Variants in TYR observed in about 807,000 individuals in gnomAD.
The protein encoded by TYR is LB24-AB.
TYR carries 58 observed loss-of-function variants against 51.5 expected under a neutral mutation model. The ratio of observed to expected loss-of-function variants is 1.13; its 90% confidence interval spans 0.91 to 1.40. The LOEUF (loss-of-function observed/expected upper bound fraction) is 1.40, where lower values mean the gene tolerates loss of function less well. TYR is among the 40% of genes most tolerant of loss of function. The pLI is 0.00. For synonymous variants in TYR, 263 were observed against 235.2 expected, an observed-to-expected ratio of 1.12 and a Z score of -1.08; for missense variants, 732 against 647.4, an observed-to-expected ratio of 1.13 and a Z score of -1.42.
At chr11:89,184,051 C>G (rs1351144900) in intron 1 of TYR, among the ~76,000 whole-genome samples, 1 of 152,118 alleles carries the variant, frequency 6.6e-6, no homozygotes, top group East Asian at 1.9e-4. Context: ...GTCTTTCTGA[C>G]TAGAATCTTC....
In TYR at chr11:89,191,217, T is replaced by G. The variant is rs4987234; in HGVS notation, c.835T>G (p.Leu279Val). The stretch of plus-strand genomic sequence containing the variant: ...TTTTGTACAGATTGTCTGTAGCCGA[T>G]TGGAGGAGTACAACAGCCATCAGTC... ...FSSWQIVCSR[L>V]EEYNSHQSLC... The change falls in exon 2 of 5, where the codon TTG (leucine) becomes GTG (valine). Residue 279 changes from leucine to valine, a missense_variant. By Grantham distance (32) the Leu-to-Val change is conservative (BLOSUM62 1). Coordinates refer to ENST00000263321, the MANE Select transcript of TYR (RefSeq NM_000372.5). 1 of 1,613,274 alleles carries G rather than the reference T, an allele frequency of 6.2e-7. No homozygotes were observed. The highest frequency in any genetic ancestry group is 8.5e-7 in the Non-Finnish European group (1 of 1,179,622).
chr11:89,185,099 C>T (rs922385276), intron 1 of TYR, among the ~76,000 whole-genome samples: 2 of 152,130 alleles, frequency 1.3e-5, no homozygotes, highest in East Asian at 1.9e-4. Flanking sequence ...CTATACGTCT[C>T]GCCTACTGTT....
rs1565411448 is a variant in TYR, at chr11:89,245,929, A to AAC, written c.1184+17960_1184+17961insCA. Among the ~76,000 whole-genome samples the AAC allele has an allele frequency of 9.9e-5, 15 of 151,488 alleles. No individual in the cohort carries two copies. The South Asian group carries it at 1.0e-3, about 11-fold the overall frequency. ...GAGCAAGACTCCATCTCAAAAAAAA[A>AAC]AAACAAACAAACAAAAAAAACAAAA... is the stretch of plus-strand genomic sequence containing the variant. On this transcript the variant is annotated intron_variant, in intron 3 of 4. Transcript: ENST00000263321.
intron 3 of TYR, among the ~76,000 whole-genome samples, chr11:89,237,187 T>C (rs1167722087): frequency 6.6e-6 from 1 of 152,216 alleles, no homozygotes; most frequent in Non-Finnish European, 1.5e-5. Context: ...TTTTCTTGGC[T>C]GCAGGAAGCT....
intron 2 of TYR, among the ~76,000 whole-genome samples, chr11:89,194,395 C>T (rs1943488822): frequency 6.6e-6 from 1 of 152,178 alleles, no homozygotes; most frequent in Non-Finnish European, 1.5e-5. Flanking sequence ...CCATCTGTCT[C>T]ACGTTGGTGA....
intron 3 of TYR, among the ~76,000 whole-genome samples, chr11:89,247,656 T>C (rs1018342523): frequency 2.0e-5 from 3 of 152,176 alleles, no homozygotes; most frequent in African/African-American, 4.8e-5. Context: ...ATAATTCAAA[T>C]TGTTTATTTT....
chr11:89,211,177 A>C (rs1591157409), intron 2 of TYR, among the ~76,000 whole-genome samples: 1 of 152,184 alleles, frequency 6.6e-6, no homozygotes, highest in South Asian at 2.1e-4. Flanking sequence ...CAAATTGGAT[A>C]GTCAAGACCC....
intron 4 of TYR, among the ~76,000 whole-genome samples, chr11:89,290,988 T>C (rs1362769182): frequency 2.6e-5 from 4 of 151,956 alleles, no homozygotes; most frequent in African/African-American, 9.7e-5. Context: ...ATCTTAATAG[T>C]CTCCTAAATA....
chr11:89,287,232 C>G (rs1219061629), intron 4 of TYR, among the ~76,000 whole-genome samples: 1 of 151,810 alleles, frequency 6.6e-6, no homozygotes, highest in Non-Finnish European at 1.5e-5. Flanking sequence ...ATCAATAAAT[C>G]AGTTTGAGTA....
intron 2 of TYR, among the ~76,000 whole-genome samples, chr11:89,196,625 A>T (rs1263120766): frequency 6.6e-6 from 1 of 152,206 alleles, no homozygotes; most frequent in East Asian, 1.9e-4. Flanking sequence ...GGTAGGACCA[A>T]GTCAATCTTG....
Position 89,245,647 on chromosome 11 carries a change from G to A in TYR, c.1184+17677G>A, listed in dbSNP as rs569668758. On this transcript the variant is annotated intron_variant, in intron 3 of 4. Coordinates refer to ENST00000263321, the MANE Select transcript of TYR (RefSeq NM_000372.5). ...AGAAGAATCTGGAGGAACAGGCTGG[G>A]CGTGGTGGCTCACGCCTGTAATCCC... 1.4e-4 allele frequency among the ~76,000 whole-genome samples: 22 copies of A among 152,280 alleles called. 1 individual carries two copies. In the South Asian group the frequency reaches 4.1e-3, roughly 29 times the overall value.
intron 2 of TYR, among the ~76,000 whole-genome samples, chr11:89,222,491 C>A (rs1943924942): frequency 6.6e-6 from 1 of 152,170 alleles, no homozygotes; most frequent in Non-Finnish European, 1.5e-5. Flanking sequence ...GTAATCCCAG[C>A]ACTTTGGGAG....
At chr11:89,224,437 A>G (rs761903426) in intron 2 of TYR, among the ~76,000 whole-genome samples, 1 of 152,174 alleles carries the variant, frequency 6.6e-6, no homozygotes, top group Non-Finnish European at 1.5e-5. Context: ...ATTTAAGCCA[A>G]GTTCTACTCA....
chr11:89,203,392 T>C (rs1185574822), intron 2 of TYR, among the ~76,000 whole-genome samples: 1 of 152,166 alleles, frequency 6.6e-6, no homozygotes, highest in African/African-American at 2.4e-5. Flanking sequence ...GACCCAACAC[T>C]AACCACTCTG....
At chr11:89,219,288 C>T (rs12786274) in intron 2 of TYR, among the ~76,000 whole-genome samples, 28,667 of 149,504 alleles carry the variant, frequency 0.19, 3,576 homozygotes, top group African/African-American at 0.36. Flanking sequence ...AGCAGAATGA[C>T]AGAGTGACTT....
At chr11:89,290,581 AACAG>A (rs1944843114) in intron 4 of TYR, among the ~76,000 whole-genome samples, 1 of 152,108 alleles carries the variant, frequency 6.6e-6, no homozygotes. Flanking sequence ...ATATATTAAA[AACAG>A]TAACTTTCAA....
At chr11:89,247,131 G>A (rs1944276885) in intron 3 of TYR, among the ~76,000 whole-genome samples, 1 of 152,146 alleles carries the variant, frequency 6.6e-6, no homozygotes, top group East Asian at 1.9e-4. Flanking sequence ...TATTCTGACA[G>A]CTGTTTTTCT....
At chr11:89,254,800 T>C (rs930796725) in intron 3 of TYR, among the ~76,000 whole-genome samples, 1 of 151,804 alleles carries the variant, frequency 6.6e-6, no homozygotes, top group Non-Finnish European at 1.5e-5. Context: ...ATCTTTTGTA[T>C]TTCTTTTGTT....
At chr11:89,278,227 G>A (rs1233119932) in intron 3 of TYR, among the ~76,000 whole-genome samples, 2 of 151,348 alleles carry the variant, frequency 1.3e-5, no homozygotes, top group East Asian at 3.9e-4. Flanking sequence ...TTTTCCTCAG[G>A]CCACAGACCA....
Sources: allele counts gnomAD v4.1 joint callset (sites outside exome capture counted in the v4.1 genomes callset), GRCh38; gene constraint gnomAD v4.1.1; transcripts MANE v1.5; gene names NCBI Gene and HGNC (gene_info 2026-07-23, HGNC 2026-07-21).